Variants in GRB10 observed in about 807,000 individuals in gnomAD.
GRB10 encodes growth factor receptor-bound protein 10.
A neutral mutation model predicts 80.9 loss-of-function variants in GRB10; 20 were observed. That is an observed-to-expected ratio of 0.25 (90% CI 0.17 to 0.36). The LOEUF is 0.36. Among genes scored for constraint, GRB10 ranks in the 10% least tolerant of loss-of-function variants. The pLI is 1.00. For synonymous variants in GRB10, 291 were observed against 291.5 expected (o/e 1.00, Z 0.02); for missense variants, 548 against 747.7 (o/e 0.73, Z 3.12).
At chr7:50,638,327 A>T (rs1183253780) in intron 7 of GRB10, among the ~76,000 whole-genome samples, 1 of 152,200 alleles carries the variant, frequency 6.6e-6, no homozygotes, top group African/African-American at 2.4e-5. Flanking sequence ...AGAATGGGAG[A>T]AAATATTTGC....
chr7:50,674,424 G>A lies in GRB10; in HGVS notation c.362+12C>T, dbSNP rs780741668. Reference sequence around the variant, plus strand: ...CCTTGGAGAAGGCTCTGCCCATAAGGCCTGGACCTACCTGACAGCGAGGAT... The same window carrying A: ...CCTTGGAGAAGGCTCTGCCCATAAGACCTGGACCTACCTGACAGCGAGGAT... On this transcript the variant is annotated intron_variant, in intron 6 of 18. Transcript: ENST00000401949. 6.2e-7 allele frequency: 1 copy of A among 1,601,482 alleles called. No homozygotes were observed. Among genetic ancestry groups the A allele is most frequent in the African/African-American group, 1.3e-5 (1 of 74,992 alleles).
intron 2 of GRB10, among the ~76,000 whole-genome samples, chr7:50,760,687 G>C (rs1441918274): frequency 1.3e-5 from 2 of 152,186 alleles, no homozygotes; most frequent in Admixed American, 1.3e-4. Flanking sequence ...TGTTCATCCA[G>C]AAGAGTCAAA....
At chr7:50,696,290 A>G (rs1372874156) in intron 5 of GRB10, among the ~76,000 whole-genome samples, 1 of 152,170 alleles carries the variant, frequency 6.6e-6, no homozygotes, top group Non-Finnish European at 1.5e-5. Flanking sequence ...ACTTCTTCGC[A>G]CTCACCAGCA....
intron 4 of GRB10, among the ~76,000 whole-genome samples, chr7:50,707,621 G>A (rs1296600241): frequency 2.0e-5 from 3 of 152,232 alleles, no homozygotes; most frequent in African/African-American, 7.2e-5. Flanking sequence ...TGCTATGTAT[G>A]TGAATAATTA....
At chr7:50,609,189 C>A (rs754498620) in intron 13 of GRB10, among the ~76,000 whole-genome samples, 15 of 152,042 alleles carry the variant, frequency 9.9e-5, no homozygotes, top group Non-Finnish European at 1.8e-4. Context: ...AATTAAATCA[C>A]AGTAAATATT....
intron 5 of GRB10, among the ~76,000 whole-genome samples, chr7:50,687,475 A>G (rs2062238807): frequency 6.6e-6 from 1 of 152,192 alleles, no homozygotes; most frequent in Non-Finnish European, 1.5e-5. Context: ...AGCGAATTCA[A>G]CGTCTGCCCT....
chr7:50,621,248 C>T (rs1240650663), intron 8 of GRB10, among the ~76,000 whole-genome samples: 4 of 152,178 alleles, frequency 2.6e-5, no homozygotes, highest in Non-Finnish European at 5.9e-5. Flanking sequence ...CACAGGGGGA[C>T]GTGTCCCTGG....
intron 13 of GRB10, among the ~76,000 whole-genome samples, chr7:50,608,139 G>A (rs1049102440): frequency 3.9e-5 from 6 of 152,194 alleles, no homozygotes; most frequent in African/African-American, 1.4e-4. Flanking sequence ...CAGATTCAGG[G>A]TGTAGGATAA....
chr7:50,608,143 A>G (rs186857613), intron 13 of GRB10, among the ~76,000 whole-genome samples: 5 of 152,370 alleles, frequency 3.3e-5, no homozygotes, highest in Non-Finnish European at 7.3e-5. Context: ...TTCAGGGTGT[A>G]GGATAAGTAA....
At chr7:50,754,100 G>A (rs1278413636) in intron 3 of GRB10, among the ~76,000 whole-genome samples, 5 of 152,182 alleles carry the variant, frequency 3.3e-5, no homozygotes, top group South Asian at 2.1e-4. Context: ...CCGTGAGCAC[G>A]GCACTCCCTG....
intron 2 of GRB10, among the ~76,000 whole-genome samples, chr7:50,763,921 C>A (rs1261900625): frequency 6.6e-6 from 1 of 152,218 alleles, no homozygotes; most frequent in Non-Finnish European, 1.5e-5. Flanking sequence ...GCCCTCTGTA[C>A]TTCAAATGCA....
intron 7 of GRB10, among the ~76,000 whole-genome samples, chr7:50,627,765 G>A (rs2053210948): frequency 6.6e-6 from 1 of 152,256 alleles, no homozygotes; most frequent in East Asian, 1.9e-4. Flanking sequence ...TCCTTACCTC[G>A]ACAGCCCGGA....
intron 5 of GRB10, among the ~76,000 whole-genome samples, chr7:50,686,982 G>A (rs2282930): frequency 0.27 from 40,544 of 152,062 alleles, 5,762 homozygotes; most frequent in East Asian, 0.51. Context: ...GAAGGCCGGA[G>A]CTGCCCTTGC....
intron 3 of GRB10, among the ~76,000 whole-genome samples, chr7:50,749,941 T>C (rs1439043214): frequency 1.3e-5 from 2 of 152,238 alleles, no homozygotes; most frequent in Non-Finnish European, 2.9e-5. Context: ...CTTCCTTTAA[T>C]TGAAACTGTA....
intron 14 of GRB10, among the ~76,000 whole-genome samples, chr7:50,605,632 A>T (rs918035082): frequency 6.6e-6 from 1 of 152,154 alleles, no homozygotes; most frequent in Non-Finnish European, 1.5e-5. Flanking sequence ...CTCCCTGAGT[A>T]TTAAAAAGGC....
chr7:50,622,416 C>T (rs2051957266), intron 8 of GRB10, among the ~76,000 whole-genome samples: 1 of 152,178 alleles, frequency 6.6e-6, no homozygotes, highest in Admixed American at 6.5e-5. Flanking sequence ...GTTACTGCCA[C>T]GGTGTTTCCC....
Position 50,605,205 on chromosome 7 carries a change from AG to A in GRB10, c.1389+84del, listed in dbSNP as rs78070220. On this transcript the variant is annotated intron_variant, in intron 15 of 18. Coordinates refer to ENST00000401949, the MANE Select transcript of GRB10 (RefSeq NM_001350814.2). ...TGGCACCCCTCTTGCCAACCCGCAT[AG>A]AGCTGTTCCTCTGGGAGAAGACCAC... 7.5e-3 allele frequency: 7,641 copies of A among 1,025,374 alleles called. 286 individuals are homozygous for A. In the East Asian group the frequency reaches 0.099, roughly 13 times the overall value. 63.5% of individuals were successfully genotyped at this position (1,025,374 alleles called of 1,614,324 possible). A position where few individuals can be genotyped will look rare whatever the true frequency, so the allele number is the denominator to read the frequency against.
rs1335546035 is a variant in GRB10, at chr7:50,591,573, C to T, written c.*1379G>A. 1 of 152,258 alleles carries T rather than the reference C, an allele frequency of 6.6e-6. No individual in the cohort carries two copies. Among genetic ancestry groups the T allele is most frequent in the East Asian group, 1.9e-4 (1 of 5,208 alleles). 9.4% of individuals were successfully genotyped at this position (152,258 alleles called of 1,614,324 possible). A position where few individuals can be genotyped will look rare whatever the true frequency, so the allele number is the denominator to read the frequency against. ...GCCACTCTCACACCTGATCACTAAG[C>T]TAAGGGGACGTGGCAAAGGGGGCCA... On this transcript the variant is annotated 3_prime_UTR_variant, in exon 19 of 19. Coordinates refer to ENST00000401949, the MANE Select transcript of GRB10 (RefSeq NM_001350814.2).
chr7:50,615,726 C>T (rs115527409), intron 11 of GRB10, among the ~76,000 whole-genome samples: 2,278 of 152,328 alleles, frequency 0.015, 46 homozygotes, highest in African/African-American at 0.053. Flanking sequence ...AAGGAGCCTC[C>T]GGCCTAAGCT....
Sources: allele counts gnomAD v4.1 joint callset (sites outside exome capture counted in the v4.1 genomes callset), GRCh38; gene constraint gnomAD v4.1.1; transcripts MANE v1.5; gene names NCBI Gene and HGNC (gene_info 2026-07-23, HGNC 2026-07-21).